Variants in EPB41L2 observed in about 807,000 individuals in gnomAD.
EPB41L2 encodes band 4.1-like protein 2.
In EPB41L2, 43 loss-of-function variants were observed where a neutral mutation model predicts 113.0. The observed-to-expected ratio is 0.38, with a 90% CI of 0.30 to 0.49. EPB41L2 has a LOEUF of 0.49. Among genes scored for constraint, EPB41L2 ranks in the 20% least tolerant of loss-of-function variants. The probability of loss-of-function intolerance (pLI) is 0.95; values close to 1 mark genes in which losing one functional copy is unlikely to be tolerated. For missense variants in EPB41L2, 1,147 were observed against 1,223.4 expected, an observed-to-expected ratio of 0.94 and a Z score of 0.93; for synonymous variants, 442 against 436.7, an observed-to-expected ratio of 1.01 and a Z score of -0.15.
intron 3 of EPB41L2, among the ~76,000 whole-genome samples, chr6:130,946,977 C>A (rs1813070780): frequency 6.6e-6 from 1 of 151,710 alleles, no homozygotes; most frequent in African/African-American, 2.4e-5. Context: ...TCTATAGAGA[C>A]CACTGATGTG....
chr6:130,992,984 C>T (rs1178229002), intron 1 of EPB41L2, among the ~76,000 whole-genome samples: 7 of 152,168 alleles, frequency 4.6e-5, no homozygotes. Context: ...AGTCTTCTTA[C>T]TCACCTTTGA....
chr6:130,862,189 C>A (rs967506303), intron 18 of EPB41L2, among the ~76,000 whole-genome samples: 3 of 151,756 alleles, frequency 2.0e-5, no homozygotes, highest in African/African-American at 4.8e-5. Flanking sequence ...CCTTTTATAA[C>A]AAAATTATTT....
intron 1 of EPB41L2, among the ~76,000 whole-genome samples, chr6:131,010,873 A>T (rs1786774592): frequency 6.6e-6 from 1 of 152,182 alleles, no homozygotes. Context: ...CTAGCCTGCC[A>T]GCCTCCTAGC....
intron 4 of EPB41L2, among the ~76,000 whole-genome samples, chr6:130,923,001 AAT>A (rs1413240161): frequency 6.6e-6 from 1 of 152,140 alleles, no homozygotes; most frequent in Non-Finnish European, 1.5e-5. Flanking sequence ...CCTAAAACTC[AAT>A]ATGTCAGAAA....
At chr6:130,866,154 T>C (rs1783682277) in intron 16 of EPB41L2, among the ~76,000 whole-genome samples, 1 of 152,224 alleles carries the variant, frequency 6.6e-6, no homozygotes, top group African/African-American at 2.4e-5. Context: ...CCTGTAATAG[T>C]TTGCATGTTG....
rs1407176640 is a variant in EPB41L2, at chr6:130,956,136, G to T, written c.350C>A (p.Pro117His). 6.2e-7 allele frequency: 1 copy of T among 1,614,014 alleles called. No individual in the cohort carries two copies. Among genetic ancestry groups the T allele is most frequent in the Non-Finnish European group, 8.5e-7 (1 of 1,180,018 alleles). ...AGCCTGTCTCTGTTCTTCTGGAAGGGGTTCCTCTTTATCTAAGACCTGTTC... is the reference window on the plus strand; with the variant it reads ...AGCCTGTCTCTGTTCTTCTGGAAGGTGTTCCTCTTTATCTAAGACCTGTTC... ...VEEQVLDKEE[P>H]LPEEQRQAKG... The change falls in exon 2 of 20, where the codon CCC (proline) becomes CAC (histidine). Residue 117 changes from proline to histidine, a missense_variant. Physicochemically the swap from Pro to His is moderately conservative, Grantham distance 77 (BLOSUM62 -2). Transcript: ENST00000337057.
intron 3 of EPB41L2, among the ~76,000 whole-genome samples, chr6:130,941,501 T>C (rs796654253): frequency 5.3e-5 from 8 of 152,356 alleles, no homozygotes; most frequent in African/African-American, 1.9e-4. Context: ...CAAACTTCTG[T>C]AGGCTAGCAC....
intron 1 of EPB41L2, among the ~76,000 whole-genome samples, chr6:131,030,237 A>G (rs568566573): frequency 3.5e-4 from 53 of 152,322 alleles, no homozygotes; most frequent in South Asian, 6.2e-4. Context: ...ATAGCACGAC[A>G]TGGCCAGGCT....
chr6:130,906,082 G>A (rs561839007), intron 5 of EPB41L2, among the ~76,000 whole-genome samples: 1 of 152,312 alleles, frequency 6.6e-6, no homozygotes, highest in South Asian at 2.1e-4. Flanking sequence ...CATGATGACT[G>A]TCAAATATCC....
At chr6:131,004,108 G>A (rs1471735598) in intron 1 of EPB41L2, among the ~76,000 whole-genome samples, 2 of 152,156 alleles carry the variant, frequency 1.3e-5, no homozygotes, top group Admixed American at 6.5e-5. Context: ...GCCTGTGAAC[G>A]ACTTGTTCTG....
intron 3 of EPB41L2, among the ~76,000 whole-genome samples, chr6:130,927,334 A>AAT (rs979067271): frequency 1.3e-4 from 19 of 151,946 alleles, no homozygotes; most frequent in East Asian, 3.9e-4. Flanking sequence ...TTTTACCTTG[A>AAT]ATATATATAT....
intron 15 of EPB41L2, chr6:130,868,140 A>T (rs988339789): frequency 4.5e-5 from 7 of 155,402 alleles, no homozygotes; most frequent in Non-Finnish European, 1.0e-4. Flanking sequence ...TTTAACTGGC[A>T]TGCCAGCTAG....
chr6:131,010,365 C>A (rs1367834957), intron 1 of EPB41L2, among the ~76,000 whole-genome samples: 3 of 151,868 alleles, frequency 2.0e-5, no homozygotes, highest in African/African-American at 7.3e-5. Flanking sequence ...AGGGCCATTT[C>A]TATTGCTTTG....
At chr6:130,997,876 CTAA>C (rs1417154343) in intron 1 of EPB41L2, among the ~76,000 whole-genome samples, 1 of 151,988 alleles carries the variant, frequency 6.6e-6, no homozygotes, top group East Asian at 1.9e-4. Flanking sequence ...ATAAGAGCAC[CTAA>C]TGTTTTAAAA....
At chr6:131,009,161 G>A (rs1452354518) in intron 1 of EPB41L2, among the ~76,000 whole-genome samples, 2 of 152,188 alleles carry the variant, frequency 1.3e-5, no homozygotes, top group African/African-American at 2.4e-5. Context: ...GTGGAGTTAA[G>A]TGAATCACAG....
At chr6:130,981,117 A>G (rs866209385) in intron 1 of EPB41L2, among the ~76,000 whole-genome samples, 25 of 152,334 alleles carry the variant, frequency 1.6e-4, no homozygotes, top group Middle Eastern at 3.4e-3. Context: ...TTATATAAAC[A>G]TATGGCTTAA....
In EPB41L2 at chr6:130,901,061, G is replaced by A. The variant is rs41285324; in HGVS notation, c.1049C>T (p.Pro350Leu). Residue 350 changes from proline to leucine, a missense_variant, in exon 7 of 20, where the codon CCA becomes CTA. Coordinates refer to ENST00000337057, the MANE Select transcript of EPB41L2 (RefSeq NM_001431.4). ...GAGGTCGATGCTGCCATGTTCTTCT[G>A]GGTCATAGTCACCAAGTTCAGCCTG... ...TLQAELGDYD[P>L]EEHGSIDLSE... 3.6e-3 allele frequency: 5,800 copies of A among 1,614,078 alleles called. 8 individuals carry two copies. The highest frequency in any genetic ancestry group is 4.5e-3 in the Non-Finnish European group (5,329 of 1,180,000).
rs1466130092 is a variant in EPB41L2, at chr6:130,863,646, G to T, written c.2902C>A (p.His968Asn). 1.2e-6 allele frequency: 2 copies of T among 1,609,792 alleles called. No individual in the cohort carries two copies. The highest frequency in any genetic ancestry group is 2.2e-5 in the East Asian group (1 of 44,824). ...GAACTTAACTTATTTACCTGGTCAT[G>T]ATCAATATCTCCATCTCCTGTGATC... Reference protein sequence around the residue: ...IVITGDGDIDHDQALAQAIRE... With the variant: ...IVITGDGDIDNDQALAQAIRE... The change falls in exon 18 of 20, where the codon CAT (histidine) becomes AAT (asparagine). Residue 968 changes from histidine (H) to asparagine (N), a missense_variant. By Grantham distance (68) the His-to-Asn change is moderately conservative. Coordinates refer to ENST00000337057, the MANE Select transcript of EPB41L2 (RefSeq NM_001431.4).
intron 7 of EPB41L2, 74 bp downstream of exon 7, chr6:130,900,888 T>A: frequency 6.6e-7 from 1 of 1,523,414 alleles, no homozygotes; most frequent in Non-Finnish European, 9.0e-7. Flanking sequence ...CATGCTCAAA[T>A]GTCTAGTAAG....
Sources: gnomAD v4.1 joint callset for allele counts (sites outside exome capture counted in the v4.1 genomes callset) on GRCh38, gnomAD v4.1.1 for gene constraint, MANE v1.5 for transcripts, NCBI Gene and HGNC (gene_info 2026-07-23, HGNC 2026-07-21) for gene names.